Variants in COL4A5 observed in about 807,000 individuals in gnomAD.
The protein encoded by COL4A5 is collagen alpha-5(IV) chain.
COL4A5 carries 26 observed loss-of-function variants against 130.2 expected under a neutral mutation model. That is an observed-to-expected ratio of 0.20 (90% CI 0.15 to 0.28). The LOEUF is 0.28. COL4A5 is among the 10% of genes least tolerant of loss of function. COL4A5 has a pLI of 1.00. For synonymous variants in COL4A5, 496 were observed against 439.6 expected (o/e 1.13, Z -1.60); for missense variants, 1,131 against 1,344.3 (o/e 0.84, Z 2.48).
chrX:108,687,379 A>G, intron 48 of COL4A5, 103 bp from the exon 49 acceptor site: 1 of 712,309 alleles, frequency 1.4e-6, no homozygotes, highest in Non-Finnish European at 2.2e-6. Flanking sequence ...TATAAATATC[A>G]AATAAATTAA....
intron 49 of COL4A5, among the ~76,000 whole-genome samples, chrX:108,691,733 T>C (rs938736806): frequency 1.5e-4 from 17 of 112,121 alleles, no homozygotes; most frequent in African/African-American, 5.2e-4. Flanking sequence ...TTTTTAAATG[T>C]AGAAGGAACA....
intron 2 of COL4A5, among the ~76,000 whole-genome samples, chrX:108,558,681 G>T (rs2065862225): frequency 9.0e-6 from 1 of 111,092 alleles, no homozygotes; most frequent in South Asian, 3.8e-4. Context: ...TCAAGTCTGG[G>T]AGCTTCTCTG....
chrX:108,568,886 A>G, intron 6 of COL4A5, 65 bp downstream of exon 6: 2 of 956,924 alleles, frequency 2.1e-6, no homozygotes, highest in Admixed American at 4.4e-5. Flanking sequence ...AACCTAAAGA[A>G]ATCAATATGA....
At chrX:108,569,773 G>A (rs780801579) in intron 6 of COL4A5, among the ~76,000 whole-genome samples, 26 of 110,288 alleles carry the variant, frequency 2.4e-4, no homozygotes, top group Non-Finnish European at 2.5e-4. Flanking sequence ...TCTGCCTCCC[G>A]GGTTCAAGTG....
At chrX:108,451,769 C>T (rs1431389766) in intron 1 of COL4A5, among the ~76,000 whole-genome samples, 13 of 109,386 alleles carry the variant, frequency 1.2e-4, no homozygotes, top group South Asian at 4.0e-4. Flanking sequence ...GAGTAGGTTG[C>T]GAAAATTTTC....
chrX:108,561,517 GT>G (rs202094607), intron 3 of COL4A5, among the ~76,000 whole-genome samples: 150 of 103,499 alleles, frequency 1.4e-3, no homozygotes, highest in Middle Eastern at 0.01. Flanking sequence ...AATTTTCTGG[GT>G]TTTTTTTTTT....
chrX:108,568,780 G>T lies in COL4A5; in HGVS notation c.343G>T (p.Ala115Ser). Residue 115 changes from alanine to serine, a missense_variant, in exon 6 of 53, where the codon GCC (alanine) becomes TCC (serine). Transcript: ENST00000328300. ...AAAGGGAATGCCAGGCCACGATGGG[G>T]CCCCAGGACCTCAAGGTATTCCCGG... ...GLPGMPGHDG[A>S]PGPQGIPGCN... 8.3e-7 allele frequency: 1 copy of T among 1,210,985 alleles called. No individual in the cohort carries two copies. Among genetic ancestry groups the T allele is most frequent in the East Asian group, 3.0e-5 (1 of 33,819 alleles).
intron 4 of COL4A5, among the ~76,000 whole-genome samples, chrX:108,566,826 T>C (rs1246525283): frequency 2.7e-5 from 3 of 111,591 alleles, no homozygotes; most frequent in Non-Finnish European, 5.7e-5. Context: ...GCGGTTTTTA[T>C]TGCTACTCGA....
rs112215668 is a variant in COL4A5, at chrX:108,637,478, A to G, written c.3246+11129A>G. 7.1e-3 allele frequency among the ~76,000 whole-genome samples: 796 copies of G among 111,953 alleles called. 4 individuals are homozygous for G. Among genetic ancestry groups the G allele is most frequent in the East Asian group, 0.035 (124 of 3,536 alleles). On this transcript the variant is annotated intron_variant, in intron 36 of 52. Coordinates refer to ENST00000328300, the MANE Select transcript of COL4A5 (RefSeq NM_033380.3). Reference sequence around the variant, plus strand: ...GATAAATAAAATACAGAACTAAAAAAATCATAGATGAAGTCAACAAAACTA... The same window carrying G: ...GATAAATAAAATACAGAACTAAAAAGATCATAGATGAAGTCAACAAAACTA...
intron 30 of COL4A5, among the ~76,000 whole-genome samples, chrX:108,617,776 G>A (rs745373391): frequency 3.6e-5 from 4 of 111,359 alleles, no homozygotes; most frequent in South Asian, 7.5e-4. Flanking sequence ...AGAACCAAAC[G>A]TGTTATAGTG....
chrX:108,576,946 T>C (rs1223973963), intron 10 of COL4A5, among the ~76,000 whole-genome samples: 2 of 112,024 alleles, frequency 1.8e-5, no homozygotes. Flanking sequence ...TGTTGGAACA[T>C]TGGTGCCCCT....
At position 108,696,675 on chromosome X, in the gene COL4A5, T is replaced by TC. The variant is rs1200919734; in HGVS notation, c.*297_*298insC. The TC allele has an allele frequency of 5.9e-6, 1 of 168,453 alleles. No individual in the cohort carries two copies. Among genetic ancestry groups the TC allele is most frequent in the Non-Finnish European group, 1.1e-5 (1 of 90,046 alleles). 13.9% of individuals were successfully genotyped at this position (168,453 alleles called of 1,213,427 possible). A position where few individuals can be genotyped will look rare whatever the true frequency, so the allele number is the denominator to read the frequency against. ...ATGAAAATTATATATTTTGCCCAGT[T>TC]ACTAAAATGGTACATTAAAAATTCA... is the stretch of plus-strand genomic sequence containing the variant. On this transcript the variant is annotated 3_prime_UTR_variant, in exon 53 of 53. Transcript: ENST00000328300.
chrX:108,621,219 A>G (rs2067042559), intron 31 of COL4A5, among the ~76,000 whole-genome samples: 1 of 101,639 alleles, frequency 9.8e-6, no homozygotes, highest in Non-Finnish European at 2.0e-5. Context: ...GTGGGACATG[A>G]TCACAGCCCA....
intron 37 of COL4A5, among the ~76,000 whole-genome samples, chrX:108,662,765 T>A (rs1381865780): frequency 8.9e-6 from 1 of 112,017 alleles, no homozygotes; most frequent in Non-Finnish European, 1.9e-5. Context: ...ATCAATATCA[T>A]GAAAATGGCC....
intron 36 of COL4A5, among the ~76,000 whole-genome samples, chrX:108,640,710 A>T (rs914017295): frequency 9.0e-6 from 1 of 111,595 alleles, no homozygotes; most frequent in African/African-American, 3.3e-5. Flanking sequence ...CCACAGGACT[A>T]TACCCTTAAA....
intron 30 of COL4A5, among the ~76,000 whole-genome samples, chrX:108,619,898 G>A (rs2067004969): frequency 8.9e-6 from 1 of 112,272 alleles, no homozygotes; most frequent in Non-Finnish European, 1.9e-5. Flanking sequence ...TAGTGTAATT[G>A]TATCTGTTGA....
At position 108,677,453 on chromosome X, in the gene COL4A5, C is replaced by G. The variant is rs1275580898; in HGVS notation, c.3809-47C>G. 14 of 1,176,514 alleles carry G rather than the reference C, an allele frequency of 1.2e-5. No homozygotes were observed. In the East Asian group the frequency reaches 4.2e-4, roughly 35 times the overall value. ...TTTTAAAAGCCTGACTTTTATGCTA[C>G]TCTTAACACTATACTGAAATGTCGT... On this transcript the variant is annotated intron_variant, in intron 43 of 52. Transcript: ENST00000328300.
intron 29 of COL4A5, among the ~76,000 whole-genome samples, chrX:108,611,345 G>A (rs2066831781): frequency 1.8e-5 from 2 of 111,017 alleles, no homozygotes; most frequent in Admixed American, 9.6e-5. Flanking sequence ...TAAGGTACCT[G>A]GAGAGGTTTT....
At chrX:108,692,717 C>T in intron 49 of COL4A5, 31 bp from the exon 50 acceptor site, 1 of 1,195,892 alleles carries the variant, frequency 8.4e-7, no homozygotes, top group Non-Finnish European at 1.1e-6. Context: ...ATCACGCAGT[C>T]CTTTACTGTT....
Sources: allele counts gnomAD v4.1 joint callset (sites outside exome capture counted in the v4.1 genomes callset), GRCh38; gene constraint gnomAD v4.1.1; transcripts MANE v1.5; gene names NCBI Gene and HGNC (gene_info 2026-07-23, HGNC 2026-07-21).